The following ACACA variants were observed in gnomAD, a reference collection of about 807,000 sequenced individuals.
ACACA encodes the protein acetyl-CoA carboxylase alpha.
ACACA carries 103 observed loss-of-function variants against 296.1 expected under a neutral mutation model. The ratio of observed to expected loss-of-function variants is 0.35; its 90% CI spans 0.30 to 0.41. ACACA has a LOEUF of 0.41. Among genes scored for constraint, ACACA ranks in the 10% least tolerant of loss-of-function variants. The pLI is 1.00. For synonymous variants in ACACA, 953 were observed against 1,038.6 expected (o/e 0.92, Z 1.58); for missense variants, 1,554 against 2,989.7 (o/e 0.52, Z 11.20).
chr17:37,351,927 A>ATT (rs34937393), intron 1 of ACACA, among the ~76,000 whole-genome samples: 12 of 112,646 alleles, frequency 1.1e-4, no homozygotes, highest in Admixed American at 1.9e-4. Context: ...CACAGGCTGC[A>ATT]TTTTTTTTTT....
intron 16 of ACACA, 74 bp downstream of exon 16, chr17:37,251,931 T>C (rs1040689893): frequency 7.5e-7 from 1 of 1,330,556 alleles, no homozygotes; most frequent in Non-Finnish European, 1.1e-6. Context: ...GAAGAATAAA[T>C]GGGTCTTTGA....
chr17:37,214,097 T>C (rs2078879146), intron 29 of ACACA, among the ~76,000 whole-genome samples: 1 of 152,116 alleles, frequency 6.6e-6, no homozygotes, highest in African/African-American at 2.4e-5. Flanking sequence ...TCTTTTGAAA[T>C]CAGGCAGCAA....
intron 1 of ACACA, among the ~76,000 whole-genome samples, chr17:37,359,879 G>A (rs1490830663): frequency 1.3e-5 from 2 of 152,040 alleles, no homozygotes; most frequent in Non-Finnish European, 2.9e-5. Flanking sequence ...GGATCCTGGC[G>A]TGTTGAGGAG....
intron 1 of ACACA, chr17:37,389,476 C>T: frequency 7.1e-7 from 1 of 1,401,954 alleles, no homozygotes; most frequent in Non-Finnish European, 9.5e-7. Flanking sequence ...GCAGGTGGAT[C>T]ACCTGAGGTG....
At chr17:37,266,565 A>C (rs2081789700) in intron 10 of ACACA, among the ~76,000 whole-genome samples, 1 of 151,438 alleles carries the variant, frequency 6.6e-6, no homozygotes, top group African/African-American at 2.4e-5. Context: ...AGTCACAGGC[A>C]CTCTTGACTT....
intron 37 of ACACA, 112 bp downstream of exon 37, chr17:37,191,978 G>C (rs1045939580): frequency 1.6e-4 from 173 of 1,109,340 alleles, no homozygotes; most frequent in Non-Finnish European, 2.1e-4. Context: ...ATGAAAACCT[G>C]ATCTTTTTTT....
intron 38 of ACACA, among the ~76,000 whole-genome samples, chr17:37,189,863 C>T (rs913188088): frequency 6.6e-6 from 1 of 151,978 alleles, no homozygotes; most frequent in Non-Finnish European, 1.5e-5. Context: ...CTTCTCAGAT[C>T]TCAGATACTA....
chr17:37,207,585 C>T (rs2078563851), intron 31 of ACACA, 72 bp downstream of exon 31: 3 of 1,579,028 alleles, frequency 1.9e-6, no homozygotes, highest in Non-Finnish European at 2.6e-6. Context: ...ATTCATTTTG[C>T]AGAAAGATGA....
At chr17:37,154,189 C>G (rs931042733) in intron 43 of ACACA, among the ~76,000 whole-genome samples, 2 of 152,092 alleles carry the variant, frequency 1.3e-5, no homozygotes. Context: ...TGTCTATAGT[C>G]CCAGCTACTT....
chr17:37,094,583 C>G lies in ACACA; in HGVS notation c.6891+2413G>C, dbSNP rs867891219. ...TTCTTTGAAGAACCACCCCCCCCCC[C>G]CCACACCAAACAGCAAGCAGATTGT... is the stretch of plus-strand genomic sequence containing the variant. On this transcript the variant is annotated intron_variant, in intron 54 of 55. Transcript: ENST00000616317. Among the ~76,000 whole-genome samples the G allele has an allele frequency of 7.7e-5, 11 of 142,166 alleles. No individual in the cohort carries two copies. In the East Asian group the frequency reaches 1.3e-3, roughly 17 times the overall value. The allele number at this position is 142,166 out of a possible 152,430, so 93.3% of individuals were successfully genotyped here. A position where few individuals can be genotyped will look rare whatever the true frequency, so the allele number is the denominator to read the frequency against.
At chr17:37,206,243 A>C (rs1377841539) in intron 32 of ACACA, among the ~76,000 whole-genome samples, 1 of 152,216 alleles carries the variant, frequency 6.6e-6, no homozygotes, top group African/African-American at 2.4e-5. Flanking sequence ...CCATCTGGAC[A>C]TGTTCCCACA....
At chr17:37,129,278 G>T in intron 47 of ACACA, 87 bp downstream of exon 47, 3 of 1,557,144 alleles carry the variant, frequency 1.9e-6, no homozygotes, top group Non-Finnish European at 2.7e-6. Context: ...TTAGTCACAT[G>T]TGATTGTTCA....
intron 29 of ACACA, among the ~76,000 whole-genome samples, chr17:37,216,881 GCAGA>G (rs993230181): frequency 3.3e-5 from 5 of 151,952 alleles, no homozygotes; most frequent in African/African-American, 1.2e-4. Flanking sequence ...CTGCCAGTTT[GCAGA>G]CAGAGTGCCG....
chr17:37,250,796 C>T (rs1445457417), intron 16 of ACACA, among the ~76,000 whole-genome samples: 5 of 152,152 alleles, frequency 3.3e-5, no homozygotes, highest in Admixed American at 6.5e-5. Flanking sequence ...GAGGCCAAGG[C>T]GGGTGGATCA....
chr17:37,269,121 C>A (rs1335576087), intron 10 of ACACA, among the ~76,000 whole-genome samples: 1 of 150,048 alleles, frequency 6.7e-6, no homozygotes, highest in Non-Finnish European at 1.5e-5. Context: ...AAAACAATAC[C>A]TTATTTATTG....
intron 55 of ACACA, 142 bp downstream of exon 55, chr17:37,088,795 TG>T: frequency 8.9e-7 from 1 of 1,123,662 alleles, no homozygotes; most frequent in Non-Finnish European, 1.4e-6. Flanking sequence ...TCTGTACCTG[TG>T]GGTCAACTAC....
intron 48 of ACACA, among the ~76,000 whole-genome samples, chr17:37,123,400 C>G (rs1486748811): frequency 1.3e-4 from 20 of 152,178 alleles, no homozygotes. Flanking sequence ...TCCACTATGA[C>G]TTCCCAATTT....
chr17:37,098,546 A>T (rs951711791), intron 52 of ACACA, among the ~76,000 whole-genome samples: 1 of 152,222 alleles, frequency 6.6e-6, no homozygotes, highest in African/African-American at 2.4e-5. Flanking sequence ...ATGGCTTCTA[A>T]TCTCAGGTTT....
rs76941365 is a variant in ACACA, at chr17:37,383,212, G to A, written c.38+23050C>T. ...GAGTTTGGAGCACTCTGGGTGGAGT[G>A]AATATAGTGCTAGGCATTGTGAGAC... On this transcript the variant is annotated intron_variant, in intron 1 of 55. Coordinates refer to ENST00000616317, the MANE Select transcript of ACACA (RefSeq NM_198834.3). 6.1e-3 allele frequency among the ~76,000 whole-genome samples: 922 copies of A among 152,270 alleles called. 8 individuals are homozygous for A. The highest frequency in any genetic ancestry group is 0.019 in the African/African-American group (805 of 41,552).
Sources: allele counts gnomAD v4.1 joint callset (sites outside exome capture counted in the v4.1 genomes callset), GRCh38; gene constraint gnomAD v4.1.1; transcripts MANE v1.5; gene names NCBI Gene and HGNC (gene_info 2026-07-23, HGNC 2026-07-21).